The following PIK3CA variants were observed in gnomAD, a reference collection of about 807,000 sequenced individuals.
The protein encoded by PIK3CA is phosphatidylinositol-4,5-bisphosphate 3-kinase catalytic subunit alpha, also known as phosphatidylinositol 4,5-bisphosphate 3-kinase catalytic subunit alpha isoform.
PIK3CA carries 27 observed loss-of-function variants against 138.2 expected under a neutral mutation model. The ratio of observed to expected loss-of-function variants is 0.20; its 90% CI spans 0.14 to 0.27. The LOEUF is 0.27. Ranked by LOEUF, PIK3CA falls within the 10% of genes least tolerant of loss-of-function variation. The pLI is 1.00. For missense variants in PIK3CA, 544 were observed against 1,277.4 expected (o/e 0.43, Z 8.75); for synonymous variants, 358 against 413.2 (o/e 0.87, Z 1.62).
At position 179,237,848 on chromosome 3, in the gene PIK3CA, T is replaced by C. The variant is rs1333995565; in HGVS notation, c.*3484T>C. 4.8e-6 allele frequency: 1 copy of C among 210,054 alleles called. No homozygotes were observed. Among genetic ancestry groups the C allele is most frequent in the Non-Finnish European group, 9.7e-6 (1 of 103,346 alleles). 13.0% of individuals were successfully genotyped at this position (210,054 alleles called of 1,614,324 possible). ...CTAGCCTGTTAACTTTTTCTGAATA[T>C]TTAAAGTTCCTCTTTTTTCTATGTC... On this transcript the variant is annotated 3_prime_UTR_variant, in exon 21 of 21. Transcript: ENST00000263967.
rs1299636684 is a variant in PIK3CA at position 179,238,971 on chromosome 3, T to A, written c.*4607T>A. ...CTCCTTTTTATTAGTGCAGTGCCAT[T>A]TCTTCTGCTTGATTTTAGGTATGTT... On this transcript the variant is annotated 3_prime_UTR_variant, in exon 21 of 21. Coordinates refer to ENST00000263967, the MANE Select transcript of PIK3CA (RefSeq NM_006218.4). 4.6e-6 allele frequency: 1 copy of A among 216,916 alleles called. No individual in the cohort carries two copies. Among genetic ancestry groups the A allele is most frequent in the African/African-American group, 2.3e-5 (1 of 44,324 alleles). 13.4% of individuals were successfully genotyped at this position (216,916 alleles called of 1,614,324 possible).
intron 1 of PIK3CA, among the ~76,000 whole-genome samples, chr3:179,180,398 T>A (rs1723811808): frequency 6.6e-6 from 1 of 152,150 alleles, no homozygotes; most frequent in Admixed American, 6.5e-5. Flanking sequence ...CTTGTATGAG[T>A]GTTTTTCTCC....
intron 1 of PIK3CA, among the ~76,000 whole-genome samples, chr3:179,173,471 C>T (rs189862495): frequency 0.084 from 12,457 of 148,096 alleles, 577 homozygotes; most frequent in African/African-American, 0.1. Context: ...CCCAGCTACT[C>T]GGGAGGCTGA....
chr3:179,191,558 T>A (rs968730956), intron 1 of PIK3CA, among the ~76,000 whole-genome samples: 4 of 152,172 alleles, frequency 2.6e-5, no homozygotes, highest in Non-Finnish European at 4.4e-5. Context: ...AAAATAACTT[T>A]CTTTCTTATT....
At chr3:179,153,600 T>A (rs564104077) in intron 1 of PIK3CA, among the ~76,000 whole-genome samples, 12 of 152,366 alleles carry the variant, frequency 7.9e-5, no homozygotes, top group African/African-American at 2.9e-4. Flanking sequence ...CCCTAGTATG[T>A]CTCATTATGT....
At chr3:179,187,951 A>G (rs893772191) in intron 1 of PIK3CA, among the ~76,000 whole-genome samples, 1 of 152,152 alleles carries the variant, frequency 6.6e-6, no homozygotes, top group Non-Finnish European at 1.5e-5. Context: ...TTTAATTCTT[A>G]TAACATTACT....
intron 9 of PIK3CA, 47 bp from the exon 10 acceptor site, chr3:179,218,163 A>G (rs765408679): frequency 3.0e-5 from 42 of 1,409,086 alleles, no homozygotes; most frequent in Middle Eastern, 5.1e-4. Flanking sequence ...TCCAGAGGGG[A>G]AAAATATGAC....
chr3:179,188,390 A>T (rs1364071169), intron 1 of PIK3CA, among the ~76,000 whole-genome samples: 1 of 152,226 alleles, frequency 6.6e-6, no homozygotes, highest in Non-Finnish European at 1.5e-5. Flanking sequence ...GGGTTGGTTA[A>T]TATAAAGGAA....
chr3:179,225,614 A>T (rs1256221331), intron 16 of PIK3CA, among the ~76,000 whole-genome samples: 1 of 152,162 alleles, frequency 6.6e-6, no homozygotes, highest in East Asian at 1.9e-4. Context: ...TTAAAAGTGG[A>T]TTTAAGAATC....
At chr3:179,179,609 A>G (rs1285315636) in intron 1 of PIK3CA, among the ~76,000 whole-genome samples, 1 of 152,226 alleles carries the variant, frequency 6.6e-6, no homozygotes, top group African/African-American at 2.4e-5. Context: ...GTCAAAAGTC[A>G]TCAAACTTAA....
intron 4 of PIK3CA, among the ~76,000 whole-genome samples, chr3:179,203,003 G>A (rs933322576): frequency 6.8e-6 from 1 of 146,324 alleles, no homozygotes; most frequent in South Asian, 2.2e-4. Flanking sequence ...TGCAGTGGCA[G>A]GATCTCGGCT....
rs960096978 is a variant in PIK3CA, at chr3:179,234,005, C to G, written c.2937-89C>G. The G allele has an allele frequency of 1.2e-6, 1 of 848,148 alleles. No individual in the cohort carries two copies. The highest frequency in any genetic ancestry group is 2.5e-5 in the Admixed American group (1 of 40,784). 52.5% of individuals were successfully genotyped at this position (848,148 alleles called of 1,614,324 possible). ...TTTTTTATAGCTTTGTCTACGAAAG[C>G]CTCTCTAATTTTGTGACATTTGAGC... On this transcript the variant is annotated intron_variant, in intron 20 of 20. Coordinates refer to ENST00000263967, the MANE Select transcript of PIK3CA (RefSeq NM_006218.4). The surrounding 1 kb of genome is among the most constrained non-coding windows in gnomAD (Gnocchi z 5.1).
intron 6 of PIK3CA, 29 bp from the exon 7 acceptor site, chr3:179,209,566 T>C (rs1576938040): frequency 7.5e-7 from 1 of 1,333,928 alleles, no homozygotes; most frequent in Non-Finnish European, 1.1e-6. Context: ...TTTCTTGATG[T>C]ATTATTTTTG....
rs1057048857 is a variant in PIK3CA at position 179,233,217 on chromosome 3, G to A, written c.2937-877G>A. The A allele has an allele frequency of 7.6e-6, 3 of 397,142 alleles. No homozygotes were observed. The Admixed American group carries it at 1.3e-4, about 18-fold the overall frequency. 24.6% of individuals were successfully genotyped at this position (397,142 alleles called of 1,614,324 possible). A position where few individuals can be genotyped will look rare whatever the true frequency, so the allele number is the denominator to read the frequency against. ...TTTCTAGGTATATGATTATGTCATT[G>A]GTAAACAGCTATAGTTTGACTTCCT... On this transcript the variant is annotated intron_variant, in intron 20 of 20. Coordinates refer to ENST00000263967, the MANE Select transcript of PIK3CA (RefSeq NM_006218.4).
intron 1 of PIK3CA, among the ~76,000 whole-genome samples, chr3:179,165,342 C>T (rs995687945): frequency 6.6e-6 from 1 of 152,002 alleles, no homozygotes; most frequent in African/African-American, 2.4e-5. Context: ...TTATCCAGAC[C>T]CTAGAAATTC....
At chr3:179,173,404 C>CAAAAAAAAAAAAAAAAA (rs749831764) in intron 1 of PIK3CA, among the ~76,000 whole-genome samples, 1 of 43,110 alleles carries the variant, frequency 2.3e-5, no homozygotes. Flanking sequence ...GCTAAAAATA[C>CAAAAAAAAAAAAAAAAA]AAAAAAAAAA....
chr3:179,229,641 C>A (rs1725167353), intron 18 of PIK3CA, among the ~76,000 whole-genome samples, 199 bp downstream of exon 18: 1 of 152,082 alleles, frequency 6.6e-6, no homozygotes, highest in South Asian at 2.1e-4. Context: ...AAATCTTAAA[C>A]ATTCATCTTA....
At chr3:179,198,374 C>T (rs924751001) in intron 1 of PIK3CA, among the ~76,000 whole-genome samples, 4 of 152,070 alleles carry the variant, frequency 2.6e-5, no homozygotes, top group Non-Finnish European at 4.4e-5. Flanking sequence ...TCTGTTTTTC[C>T]GTAAGATAGA....
chr3:179,233,848 C>CGCAT (rs1560150389), intron 20 of PIK3CA, among the ~76,000 whole-genome samples: 1 of 152,278 alleles, frequency 6.6e-6, no homozygotes, highest in East Asian at 1.9e-4. Context: ...AAACTCCTGA[C>CGCAT]ATGCCAGGCA....
Sources: allele counts gnomAD v4.1 joint callset (sites outside exome capture counted in the v4.1 genomes callset), GRCh38; gene constraint gnomAD v4.1.1; non-coding constraint Gnocchi (gnomAD v3.1); transcripts MANE v1.5; gene names NCBI Gene and HGNC (gene_info 2026-07-23, HGNC 2026-07-21).